Variants in SNX14 observed in about 807,000 individuals in gnomAD.
SNX14 encodes sorting nexin 14.
In SNX14, 93 loss-of-function variants were observed where a neutral mutation model predicts 133.8. The observed-to-expected ratio is 0.70, with a 90% CI of 0.59 to 0.83. The LOEUF is 0.83. Among genes scored for constraint, SNX14 ranks in the 40% least tolerant of loss-of-function variants. The pLI is 0.00. For synonymous variants in SNX14, 368 were observed against 365.6 expected, an observed-to-expected ratio of 1.01 and a Z score of -0.07; for missense variants, 945 against 1,094.9, an observed-to-expected ratio of 0.86 and a Z score of 1.93.
At chr6:85,553,691 C>A (rs908060897) in intron 7 of SNX14, among the ~76,000 whole-genome samples, 1 of 151,578 alleles carries the variant, frequency 6.6e-6, no homozygotes, top group African/African-American at 2.4e-5. Context: ...GAGGCTGAGG[C>A]AGGAGAATGG....
chr6:85,551,148 T>C (rs552054018), intron 7 of SNX14, among the ~76,000 whole-genome samples: 6 of 152,254 alleles, frequency 3.9e-5, no homozygotes, highest in Non-Finnish European at 7.4e-5. Context: ...ACTATCAAAA[T>C]ATGCCCTCAG....
At chr6:85,560,973 G>A (rs1297699980) in intron 6 of SNX14, among the ~76,000 whole-genome samples, 1 of 150,190 alleles carries the variant, frequency 6.7e-6, no homozygotes, top group Non-Finnish European at 1.5e-5. Flanking sequence ...GGTGGAGATT[G>A]CAGTGAGCCG....
At position 85,505,919 on chromosome 6, in the gene SNX14, T is replaced by C; in HGVS notation, c.*48A>G. 4 of 1,359,654 alleles carry C rather than the reference T, an allele frequency of 2.9e-6. No individual in the cohort carries two copies. The highest frequency in any genetic ancestry group is 4.2e-6 in the Non-Finnish European group (4 of 949,354). 84.2% of individuals were successfully genotyped at this position (1,359,654 alleles called of 1,614,324 possible). On this transcript the variant is annotated 3_prime_UTR_variant, in exon 29 of 29. Coordinates refer to ENST00000314673, the MANE Select transcript of SNX14 (RefSeq NM_153816.6). Reference sequence around the variant, plus strand: ...CCAAAAAAGTAAATTTCTACCACCCTCGCACAGCAGAAATTTCAATGGGTT... The same window carrying C: ...CCAAAAAAGTAAATTTCTACCACCCCCGCACAGCAGAAATTTCAATGGGTT...
rs531508596 is a variant in SNX14 at position 85,563,541 on chromosome 6, G to A, written c.549+1791C>T. ...TGAGTAGCTGGTATTACAGATGCCC[G>A]CCCCCATGCCTGGCTAATTTTTTGT... On this transcript the variant is annotated intron_variant, in intron 6 of 28. Coordinates refer to ENST00000314673, the MANE Select transcript of SNX14 (RefSeq NM_153816.6). Among the ~76,000 whole-genome samples, 183 of 151,926 alleles carry A rather than the reference G, an allele frequency of 1.2e-3. 1 individual carries two copies. Among genetic ancestry groups the A allele is most frequent in the African/African-American group, 4.0e-3 (164 of 41,416 alleles).
chr6:85,560,344 C>T (rs1283863034), intron 6 of SNX14, among the ~76,000 whole-genome samples: 2 of 151,986 alleles, frequency 1.3e-5, no homozygotes, highest in Non-Finnish European at 2.9e-5. Context: ...TATGGATAAA[C>T]CTTGAGAACA....
intron 7 of SNX14, among the ~76,000 whole-genome samples, chr6:85,550,256 A>G (rs941449135): frequency 1.3e-5 from 2 of 152,182 alleles, no homozygotes; most frequent in Non-Finnish European, 2.9e-5. Flanking sequence ...CCTCTTTTCA[A>G]TGTGCATTCT....
intron 23 of SNX14, among the ~76,000 whole-genome samples, chr6:85,516,380 A>G (rs1774997644): frequency 6.6e-6 from 1 of 152,152 alleles, no homozygotes. Flanking sequence ...TGTAACCTTC[A>G]TGACTCATGA....
chr6:85,530,212 G>T lies in SNX14; in HGVS notation c.1874C>A (p.Ser625Ter). 2 of 1,595,822 alleles carry T rather than the reference G, an allele frequency of 1.3e-6. No homozygotes were observed. The highest frequency in any genetic ancestry group is 1.1e-5 in the South Asian group (1 of 88,762). Residue 625 changes from serine to a stop codon, truncating the protein, a stop_gained, in exon 19 of 29, where the codon TCA becomes TAA. Coordinates refer to ENST00000314673, the MANE Select transcript of SNX14 (RefSeq NM_153816.6). LOFTEE classifies it high-confidence loss of function. ...RRYLEFYVLE[S>*]KLTEFHGAFP... ...CATACCATGAAATTCTGTTAGTTTT[G>T]ATTCAAGTACATAGAATTCAAGATA...
intron 21 of SNX14, among the ~76,000 whole-genome samples, chr6:85,522,118 C>T (rs1777089020): frequency 6.6e-6 from 1 of 152,190 alleles, no homozygotes; most frequent in African/African-American, 2.4e-5. Context: ...CTTTAGTCTA[C>T]TTAAATGTGG....
Position 85,549,716 on chromosome 6 carries a change from T to C in SNX14, c.791+7A>G. On this transcript the variant is annotated splice_region_variant and intron_variant, in intron 8 of 28. Transcript: ENST00000314673. ...AAATACTATTATATTGTCTAGTCTT[T>C]TTATACCTGCAGTCTGTTGCTTTAG... 1 of 1,608,244 alleles carries C rather than the reference T, an allele frequency of 6.2e-7. No individual in the cohort carries two copies. Among genetic ancestry groups the C allele is most frequent in the Non-Finnish European group, 8.5e-7 (1 of 1,178,302 alleles).
intron 15 of SNX14, among the ~76,000 whole-genome samples, chr6:85,539,981 A>ATTTTATTTTATTTTAT (rs1554230930): frequency 2.1e-5 from 1 of 48,222 alleles, no homozygotes; most frequent in Non-Finnish European, 5.2e-5. Context: ...TTTTATTTTA[A>ATTTTATTTTATTTTAT]TTGAGGCGGA....
At position 85,567,545 on chromosome 6, in the gene SNX14, A is replaced by G; in HGVS notation, c.450T>C (p.Tyr150=). ...TAGAAAGAACATACCTGTACCACGG[A>G]TAAACAAAGTTTTCCAACACTAATT... ...VLELVLENFV[Y]PWYRDVTDDE... is the part of the protein sequence containing the mutation. The change falls in exon 5 of 29, where the codon TAT becomes TAC. Residue 150 remains tyrosine (Y), a synonymous_variant. Coordinates refer to ENST00000314673, the MANE Select transcript of SNX14 (RefSeq NM_153816.6). 1 of 1,506,430 alleles carries G rather than the reference A, an allele frequency of 6.6e-7. No homozygotes were observed. The highest frequency in any genetic ancestry group is 8.8e-7 in the Non-Finnish European group (1 of 1,137,124). The allele number at this position is 1,506,430 out of a possible 1,614,324, so 93.3% of individuals were successfully genotyped here. A position where few individuals can be genotyped will look rare whatever the true frequency, so the allele number is the denominator to read the frequency against.
At chr6:85,571,233 G>A (rs560205812) in intron 4 of SNX14, among the ~76,000 whole-genome samples, 47 of 151,806 alleles carry the variant, frequency 3.1e-4, no homozygotes, top group Non-Finnish European at 5.3e-4. Context: ...GGTGGTGCAC[G>A]CCTGCAGTCC....
intron 19 of SNX14, among the ~76,000 whole-genome samples, chr6:85,529,433 T>C (rs533172447): frequency 6.6e-6 from 1 of 152,254 alleles, no homozygotes; most frequent in Admixed American, 6.5e-5. Flanking sequence ...TGAATGTGCT[T>C]TCTCAGATAG....
Position 85,508,039 on chromosome 6 carries a change from C to A in SNX14, c.2674G>T (p.Gly892Cys), listed in dbSNP as rs758491411. ...ATGCTTTCATACTTGGTTTCTTCAC[C>A]AATACACTTGACTAACAGATCTAAA... Reference protein sequence around the residue: ...YIPDLLVKCIGEETKYESIRL... With the variant: ...YIPDLLVKCICEETKYESIRL... Residue 892 changes from glycine (G) to cysteine (C), a missense_variant, in exon 27 of 29, where the codon GGT (glycine) becomes TGT (cysteine). By Grantham distance (159) the Gly-to-Cys change is radical. Coordinates refer to ENST00000314673, the MANE Select transcript of SNX14 (RefSeq NM_153816.6). The A allele has an allele frequency of 2.5e-6, 4 of 1,612,242 alleles. No individual in the cohort carries two copies. The highest frequency in any genetic ancestry group is 3.4e-6 in the Non-Finnish European group (4 of 1,179,114).
chr6:85,508,677 A>C (rs1771651437), intron 26 of SNX14, among the ~76,000 whole-genome samples: 1 of 152,166 alleles, frequency 6.6e-6, no homozygotes, highest in South Asian at 2.1e-4. Context: ...ATTTTGGGAA[A>C]TATAACAAAT....
chr6:85,555,081 C>T (rs892915814), intron 7 of SNX14, among the ~76,000 whole-genome samples: 4 of 152,198 alleles, frequency 2.6e-5, no homozygotes, highest in South Asian at 4.1e-4. Context: ...TTCAGCCTTC[C>T]GAAGTGCTGG....
In SNX14 at chr6:85,528,393, G is replaced by A. The variant is rs757461848; in HGVS notation, c.1895-31C>T. ...ATTAGTATATATTATAGTTATTACT[G>A]TGTTCTGCTACTATTTTTAAAACCT... is the stretch of plus-strand genomic sequence containing the variant. On this transcript the variant is annotated intron_variant, in intron 19 of 28. Coordinates refer to ENST00000314673, the MANE Select transcript of SNX14 (RefSeq NM_153816.6). The A allele has an allele frequency of 2.0e-6, 3 of 1,520,434 alleles. No homozygotes were observed. The East Asian group carries it at 6.8e-5, about 34-fold the overall frequency. 94.2% of individuals were successfully genotyped at this position (1,520,434 alleles called of 1,614,324 possible).
intron 9 of SNX14, among the ~76,000 whole-genome samples, chr6:85,547,901 A>G (rs747525611): frequency 2.0e-5 from 3 of 152,228 alleles, no homozygotes; most frequent in Non-Finnish European, 4.4e-5. Flanking sequence ...ATACAATGAA[A>G]TATTACTCAG....
Sources: gnomAD v4.1 joint callset for allele counts (sites outside exome capture counted in the v4.1 genomes callset) on GRCh38, gnomAD v4.1.1 for gene constraint, MANE v1.5 for transcripts, NCBI Gene and HGNC (gene_info 2026-07-23, HGNC 2026-07-21) for gene names.